The following TMEM232 variants were observed in gnomAD, a reference collection of about 807,000 sequenced individuals.
TMEM232 encodes transmembrane protein 232.
Under a neutral mutation model 78.8 loss-of-function variants are expected in TMEM232, and 80 were observed. That is an observed-to-expected ratio of 1.01 (90% CI 0.85 to 1.22). TMEM232 has a LOEUF of 1.22. Among genes scored for constraint, TMEM232 ranks in the 50% most tolerant of loss-of-function variants. TMEM232 has a pLI of 0.00. For missense variants in TMEM232, 881 were observed against 742.2 expected, an observed-to-expected ratio of 1.19 and a Z score of -2.17; for synonymous variants, 297 against 254.3, an observed-to-expected ratio of 1.17 and a Z score of -1.60.
At chr5:110,431,849 A>G (rs1757891320) in intron 12 of TMEM232, among the ~76,000 whole-genome samples, 1 of 151,666 alleles carries the variant, frequency 6.6e-6, no homozygotes, top group African/African-American at 2.4e-5. Flanking sequence ...AAGGGAAAAA[A>G]CAGGCAGAAT....
chr5:110,616,928 T>C (rs1217502166), intron 8 of TMEM232, among the ~76,000 whole-genome samples: 1 of 152,208 alleles, frequency 6.6e-6, no homozygotes, highest in Non-Finnish European at 1.5e-5. Flanking sequence ...CACTTCTATG[T>C]ACATATCCCA....
chr5:110,441,833 T>C (rs999169854), intron 12 of TMEM232, among the ~76,000 whole-genome samples: 1 of 152,162 alleles, frequency 6.6e-6, no homozygotes, highest in Non-Finnish European at 1.5e-5. Flanking sequence ...TTTACTGGGA[T>C]GGTCCTCATT....
intron 10 of TMEM232, among the ~76,000 whole-genome samples, chr5:110,573,131 T>C (rs954684125): frequency 2.0e-5 from 3 of 152,070 alleles, no homozygotes; most frequent in African/African-American, 7.2e-5. Context: ...AAACCACCAC[T>C]GTACTTGAAA....
At chr5:110,717,578 A>G (rs1487443078) in intron 1 of TMEM232, among the ~76,000 whole-genome samples, 1 of 152,102 alleles carries the variant, frequency 6.6e-6, no homozygotes, top group African/African-American at 2.4e-5. Context: ...CATTGTGTTT[A>G]TATACAGGTC....
intron 1 of TMEM232, among the ~76,000 whole-genome samples, chr5:110,689,591 T>C (rs1487587802): frequency 6.6e-6 from 1 of 152,132 alleles, no homozygotes; most frequent in Non-Finnish European, 1.5e-5. Flanking sequence ...GCTATCCCCA[T>C]CAAGCTACCA....
At chr5:110,729,113 G>C (rs1029642000), upstream of TMEM232, among the ~76,000 whole-genome samples, 2 of 152,076 alleles carry the variant, frequency 1.3e-5, no homozygotes, top group East Asian at 3.9e-4. Context: ...TCGAACTCCT[G>C]ACCTCAGGTA....
downstream of TMEM232, among the ~76,000 whole-genome samples, chr5:110,419,155 G>C (rs1756413135): frequency 7.0e-6 from 1 of 142,368 alleles, no homozygotes; most frequent in South Asian, 2.2e-4. Context: ...GGGACTAGCT[G>C]GTCTTCTATA....
At chr5:110,591,747 G>C (rs1363291386) in intron 10 of TMEM232, among the ~76,000 whole-genome samples, 1 of 152,048 alleles carries the variant, frequency 6.6e-6, no homozygotes, top group Non-Finnish European at 1.5e-5. Context: ...AATACGGTAT[G>C]AGTTCGTTTG....
intron 11 of TMEM232, among the ~76,000 whole-genome samples, chr5:110,535,414 C>T (rs894056218): frequency 3.3e-5 from 5 of 152,124 alleles, no homozygotes; most frequent in African/African-American, 4.8e-5. Context: ...TATCTCTCTT[C>T]GCTGACTCTT....
chr5:110,406,271 C>CACACACACAT (rs1237902183), intron 2 of TMEM232, among the ~76,000 whole-genome samples: 1 of 108,944 alleles, frequency 9.2e-6, no homozygotes, highest in Non-Finnish European at 1.7e-5. Flanking sequence ...TATATACACA[C>CACACACACAT]ACACACACAC....
chr5:110,558,379 G>A (rs1394707175), intron 11 of TMEM232, among the ~76,000 whole-genome samples: 1 of 152,126 alleles, frequency 6.6e-6, no homozygotes, highest in Non-Finnish European at 1.5e-5. Flanking sequence ...AAAGCTGTAG[G>A]TGACAGCATA....
At chr5:110,552,657 TAAG>T (rs1373837153) in intron 11 of TMEM232, among the ~76,000 whole-genome samples, 12 of 152,092 alleles carry the variant, frequency 7.9e-5, no homozygotes, top group African/African-American at 1.4e-4. Context: ...TTCATAATAA[TAAG>T]GACTCAAGCT....
intron 1 of TMEM232, among the ~76,000 whole-genome samples, chr5:110,678,932 C>T (rs11960176): frequency 0.019 from 2,923 of 152,258 alleles, 83 homozygotes; most frequent in African/African-American, 0.067. Context: ...TACTGAAGGA[C>T]ATCTTAGTTG....
intron 12 of TMEM232, among the ~76,000 whole-genome samples, chr5:110,513,137 A>C (rs1408847341): frequency 1.3e-5 from 2 of 152,236 alleles, no homozygotes; most frequent in Non-Finnish European, 2.9e-5. Flanking sequence ...ATAGATAGAT[A>C]GAAATTGATT....
At chr5:110,428,447 G>A (rs936129124) in intron 12 of TMEM232, among the ~76,000 whole-genome samples, 7 of 151,522 alleles carry the variant, frequency 4.6e-5, no homozygotes, top group African/African-American at 1.2e-4. Flanking sequence ...TCAATGACCT[G>A]GAGCCATCTC....
At chr5:110,719,324 A>G (rs560373738) in intron 1 of TMEM232, among the ~76,000 whole-genome samples, 85 of 152,098 alleles carry the variant, frequency 5.6e-4, no homozygotes, top group Non-Finnish European at 9.0e-4. Flanking sequence ...TAAAATTTCA[A>G]TCTTTTCTCT....
intron 10 of TMEM232, among the ~76,000 whole-genome samples, chr5:110,599,511 T>C (rs764313924): frequency 2.6e-5 from 4 of 151,988 alleles, no homozygotes; most frequent in South Asian, 2.1e-4. Flanking sequence ...AATGCAGGGA[T>C]TGCAATCCTA....
chr5:110,447,486 T>C (rs999515460), intron 12 of TMEM232, among the ~76,000 whole-genome samples: 3 of 152,076 alleles, frequency 2.0e-5, no homozygotes, highest in Non-Finnish European at 2.9e-5. Flanking sequence ...CAGTCCTATA[T>C]AGAGATCTTT....
intron 12 of TMEM232, among the ~76,000 whole-genome samples, chr5:110,450,005 T>C (rs1342622405): frequency 6.6e-6 from 1 of 152,124 alleles, no homozygotes; most frequent in African/African-American, 2.4e-5. Flanking sequence ...GATTGGATCA[T>C]GTCGCATATT....
Sources: allele counts gnomAD v4.1 joint callset (sites outside exome capture counted in the v4.1 genomes callset), GRCh38; gene constraint gnomAD v4.1.1; transcripts MANE v1.5; gene names NCBI Gene and HGNC (gene_info 2026-07-23, HGNC 2026-07-21).